Variants in NOX4 observed in about 807,000 individuals in gnomAD.
NOX4 encodes kidney oxidase-1.
In NOX4, 69 loss-of-function variants were observed where a neutral mutation model predicts 87.6. That is an observed-to-expected ratio of 0.79 (90% CI 0.65 to 0.96). The LOEUF (loss-of-function observed/expected upper bound fraction) is 0.96. NOX4 is among the 40% of genes least tolerant of loss of function. The pLI is 0.00. For synonymous variants in NOX4, 275 were observed against 238.2 expected (o/e 1.15, Z -1.42); for missense variants, 680 against 681.5 (o/e 1.00, Z 0.02).
chr11:89,477,394 G>C (rs1946210205), intron 2 of NOX4, among the ~76,000 whole-genome samples: 1 of 152,040 alleles, frequency 6.6e-6, no homozygotes, highest in South Asian at 2.1e-4. Flanking sequence ...ACAAGCAATG[G>C]GGAGCCGCCG....
At position 89,436,779 on chromosome 11, in the gene NOX4, C is replaced by A. The variant is rs184347520; in HGVS notation, c.475+3909G>T. Among the ~76,000 whole-genome samples, 446 of 152,110 alleles carry A rather than the reference C, an allele frequency of 2.9e-3. 1 individual carries two copies. Among genetic ancestry groups the A allele is most frequent in the African/African-American group, 8.9e-3 (368 of 41,502 alleles). ...CATTTTATTCTCACCATAAAAGCTA[C>A]TACCAAATTTGGAGATATATAGTAA... On this transcript the variant is annotated intron_variant, in intron 6 of 17. Transcript: ENST00000263317.
the NOX4 span, among the ~76,000 whole-genome samples, chr11:89,508,321 CTT>C: frequency 6.6e-6 from 1 of 152,070 alleles, no homozygotes; most frequent in East Asian, 1.9e-4. Context: ...AAGTGTCACT[CTT>C]TGACTGACCT....
the NOX4 span, among the ~76,000 whole-genome samples, chr11:89,569,933 C>T: frequency 7.4e-5 from 11 of 149,104 alleles, no homozygotes; most frequent in Admixed American, 1.4e-4. Flanking sequence ...ACCTGGGAGG[C>T]GGAGCTTGCA....
At chr11:89,463,162 T>C (rs1316058434) in intron 2 of NOX4, among the ~76,000 whole-genome samples, 1 of 151,944 alleles carries the variant, frequency 6.6e-6, no homozygotes, top group Non-Finnish European at 1.5e-5. Flanking sequence ...ATGTAAATCG[T>C]TTAATTGAAT....
At chr11:89,498,491 G>A (rs1261807817), upstream of NOX4, among the ~76,000 whole-genome samples, 1 of 152,094 alleles carries the variant, frequency 6.6e-6, no homozygotes, top group Admixed American at 6.5e-5. Context: ...ATGTTGACTT[G>A]CGTTAATGCT....
At chr11:89,381,082 A>G (rs1291335533) in intron 11 of NOX4, among the ~76,000 whole-genome samples, 2 of 152,154 alleles carry the variant, frequency 1.3e-5, no homozygotes, top group South Asian at 2.1e-4. Flanking sequence ...GGGAAAAACT[A>G]TTCCTGGAAA....
At chr11:89,399,938 A>G in intron 11 of NOX4, 79 bp downstream of exon 11, 1 of 936,122 alleles carries the variant, frequency 1.1e-6, no homozygotes, top group Non-Finnish European at 1.7e-6. Flanking sequence ...AATACCTTTT[A>G]GAATGAGACA....
chr11:89,394,610 G>C (rs1007182772), intron 11 of NOX4, among the ~76,000 whole-genome samples: 1 of 152,046 alleles, frequency 6.6e-6, no homozygotes, highest in African/African-American at 2.4e-5. Flanking sequence ...CCATAAACTC[G>C]TCATTTACAT....
intron 14 of NOX4, among the ~76,000 whole-genome samples, chr11:89,340,396 T>C (rs1038579511): frequency 2.5e-5 from 3 of 118,714 alleles, no homozygotes; most frequent in Non-Finnish European, 5.1e-5. Flanking sequence ...ACTTCATGAA[T>C]TTAGGTGTTT....
the NOX4 span, among the ~76,000 whole-genome samples, chr11:89,568,713 T>C: frequency 1.6e-4 from 25 of 152,176 alleles, 1 homozygote; most frequent in Admixed American, 1.4e-3. Flanking sequence ...AAATATAGTC[T>C]GAATAGCCAA....
the NOX4 span, among the ~76,000 whole-genome samples, chr11:89,525,171 C>T: frequency 6.6e-6 from 1 of 152,018 alleles, no homozygotes; most frequent in Non-Finnish European, 1.5e-5. Flanking sequence ...CATTTGTATA[C>T]AAATCTCTAA....
At chr11:89,465,655 T>C (rs569284556) in intron 2 of NOX4, among the ~76,000 whole-genome samples, 122 of 152,290 alleles carry the variant, frequency 8.0e-4, no homozygotes, top group African/African-American at 2.9e-3. Context: ...TTTCCTGACT[T>C]TTTAATGATT....
chr11:89,503,109 T>G (rs1166259535), upstream of NOX4, among the ~76,000 whole-genome samples: 1 of 151,972 alleles, frequency 6.6e-6, no homozygotes, highest in Non-Finnish European at 1.5e-5. Context: ...AGAACAACAG[T>G]AGAGTAAGTG....
intron 11 of NOX4, among the ~76,000 whole-genome samples, chr11:89,396,310 G>T (rs1941479591): frequency 6.6e-6 from 1 of 152,076 alleles, no homozygotes; most frequent in Non-Finnish European, 1.5e-5. Context: ...CTGTTTGTCT[G>T]TTATTGGTGT....
In NOX4 at chr11:89,400,368, C is replaced by G; in HGVS notation, c.858G>C (p.Trp286Cys). 2 of 1,576,104 alleles carry G rather than the reference C, an allele frequency of 1.3e-6. No individual in the cohort carries two copies. The highest frequency in any genetic ancestry group is 8.6e-7 in the Non-Finnish European group (1 of 1,163,874). The change falls in exon 10 of 18, where the codon TGG becomes TGC. Residue 286 changes from tryptophan to cysteine, a missense_variant. Coordinates refer to ENST00000263317, the MANE Select transcript of NOX4 (RefSeq NM_016931.5). ...AGTACAGGCACAAAGGTCCAGAAAT[C>G]CAAAGCCAAGTCTAAGACAAATTTT... The part of the protein sequence containing the change: ...FQANFPQTWL[W>C]ISGPLCLYCA...
chr11:89,561,041 T>C, the NOX4 span, among the ~76,000 whole-genome samples: 5 of 62,096 alleles, frequency 8.1e-5, no homozygotes, highest in Admixed American at 4.1e-4. Context: ...CACATACACA[T>C]ATATCATACA....
chr11:89,338,099 C>A (rs528851351), intron 15 of NOX4, among the ~76,000 whole-genome samples: 1 of 151,188 alleles, frequency 6.6e-6, no homozygotes, highest in Non-Finnish European at 1.5e-5. Flanking sequence ...CTTCCCCCTC[C>A]CCGAAGGCTT....
chr11:89,515,471 T>G, the NOX4 span, among the ~76,000 whole-genome samples: 1 of 149,416 alleles, frequency 6.7e-6, no homozygotes, highest in Admixed American at 6.7e-5. Flanking sequence ...TGGATTCAAG[T>G]TTTTTTTTTC....
chr11:89,553,266 T>C, the NOX4 span, among the ~76,000 whole-genome samples: 2 of 152,234 alleles, frequency 1.3e-5, no homozygotes, highest in Admixed American at 6.5e-5. Context: ...GGTGATTGGA[T>C]CGTGGGGACA....
Sources: allele counts gnomAD v4.1 joint callset (sites outside exome capture counted in the v4.1 genomes callset), GRCh38; gene constraint gnomAD v4.1.1; transcripts MANE v1.5; gene names NCBI Gene and HGNC (gene_info 2026-07-23, HGNC 2026-07-21).